PPM1D: variants seen among roughly 807,000 people sequenced by gnomAD.
PPM1D encodes the protein protein phosphatase 1D.
PPM1D carries 52 observed loss-of-function variants against 58.3 expected under a neutral mutation model. The ratio of observed to expected loss-of-function variants is 0.89; its 90% CI spans 0.71 to 1.12. The LOEUF is 1.12. PPM1D is among the 50% of genes most tolerant of loss of function. PPM1D has a pLI of 0.00. For missense variants in PPM1D, 564 were observed against 777.2 expected (o/e 0.73, Z 3.26); for synonymous variants, 278 against 285.1 (o/e 0.98, Z 0.25).
chr17:60,645,538 A>ATATATATGTATATATATATGTG (rs1567974667), intron 3 of PPM1D, among the ~76,000 whole-genome samples: 7 of 108,496 alleles, frequency 6.5e-5, no homozygotes, highest in Non-Finnish European at 9.5e-5. Context: ...ATATATGTGT[A>ATATATATGTATATATATATGTG]TATATATGTA....
At chr17:60,628,482 C>T (rs147586150) in intron 2 of PPM1D, among the ~76,000 whole-genome samples, 254 of 152,248 alleles carry the variant, frequency 1.7e-3, no homozygotes, top group African/African-American at 4.3e-3. Context: ...GTTTCATCAC[C>T]GTAAGAGTCC....
chr17:60,663,219 A>T lies in PPM1D; in HGVS notation c.1485A>T (p.Pro495=). 2 of 1,614,180 alleles carry T rather than the reference A, an allele frequency of 1.2e-6. No individual in the cohort carries two copies. Among genetic ancestry groups the T allele is most frequent in the Non-Finnish European group, 1.7e-6 (2 of 1,180,008 alleles). Residue 495 remains proline (P), a synonymous_variant, in exon 6 of 6, where the codon CCA becomes CCT. Coordinates refer to ENST00000305921, the MANE Select transcript of PPM1D (RefSeq NM_003620.4). ...ATGATTCTTTGAATAATAGCCTTCC[A>T]ATTGGCCTTGTGCCTACTAATTCAA... ...RIHDSLNNSL[P]IGLVPTNSTN...
At chr17:60,649,241 A>G (rs2031301652) in intron 4 of PPM1D, among the ~76,000 whole-genome samples, 1 of 152,062 alleles carries the variant, frequency 6.6e-6, no homozygotes, top group Non-Finnish European at 1.5e-5. Context: ...CATTTTCATC[A>G]TCATCCCCTA....
At chr17:60,612,869 A>G (rs1022739403) in intron 1 of PPM1D, among the ~76,000 whole-genome samples, 21 of 152,202 alleles carry the variant, frequency 1.4e-4, no homozygotes, top group Non-Finnish European at 2.5e-4. Flanking sequence ...ATGTAATAGG[A>G]ATAGATGGGA....
intron 5 of PPM1D, 144 bp downstream of exon 5, chr17:60,656,985 C>G: frequency 1.3e-6 from 2 of 1,564,200 alleles, no homozygotes; most frequent in Non-Finnish European, 1.7e-6. Flanking sequence ...TATCAGAGAG[C>G]CATCTTTACA....
intron 4 of PPM1D, among the ~76,000 whole-genome samples, chr17:60,654,275 CTTT>C (rs1358841557): frequency 7.2e-6 from 1 of 138,242 alleles, no homozygotes. Flanking sequence ...AAATAATATG[CTTT>C]TTTTTTTTGA....
In PPM1D at chr17:60,630,020, A is replaced by G. The variant is rs570644415; in HGVS notation, c.702-3833A>G. Among the ~76,000 whole-genome samples, 9 of 152,088 alleles carry G rather than the reference A, an allele frequency of 5.9e-5. No individual in the cohort carries two copies. In the South Asian group the frequency reaches 1.5e-3, roughly 25 times the overall value. On this transcript the variant is annotated intron_variant, in intron 2 of 5. Coordinates refer to ENST00000305921, the MANE Select transcript of PPM1D (RefSeq NM_003620.4). ...CTGCCTCTGCACTCCAGCCTGCCCA[A>G]CAAGAGTGAAAACTGTCTCAAAAAA...
chr17:60,623,047 T>A (rs1307017909), intron 1 of PPM1D, among the ~76,000 whole-genome samples: 1 of 152,180 alleles, frequency 6.6e-6, no homozygotes, highest in Non-Finnish European at 1.5e-5. Flanking sequence ...CACTCCAGCC[T>A]GGGTGACAGA....
intron 1 of PPM1D, among the ~76,000 whole-genome samples, chr17:60,603,178 T>G (rs1182215366): frequency 6.6e-6 from 1 of 152,212 alleles, no homozygotes; most frequent in Non-Finnish European, 1.5e-5. Context: ...GCACCCTTTT[T>G]TCTACTTTTG....
At chr17:60,610,397 C>T (rs576174232) in intron 1 of PPM1D, among the ~76,000 whole-genome samples, 82 of 152,252 alleles carry the variant, frequency 5.4e-4, no homozygotes, top group African/African-American at 1.6e-3. Context: ...TTCATTTTCA[C>T]TTATGGATAG....
chr17:60,617,665 A>G (rs2030612533), intron 1 of PPM1D, among the ~76,000 whole-genome samples: 1 of 152,210 alleles, frequency 6.6e-6, no homozygotes, highest in Non-Finnish European at 1.5e-5. Flanking sequence ...TCCATGAAAT[A>G]ACTTCTGCAA....
intron 3 of PPM1D, among the ~76,000 whole-genome samples, chr17:60,645,636 G>GTATA (rs1567974846): frequency 1.6e-3 from 203 of 129,322 alleles, no homozygotes; most frequent in African/African-American, 6.0e-3. Flanking sequence ...ATATGTATAT[G>GTATA]TGTGTGTGTG....
intron 4 of PPM1D, among the ~76,000 whole-genome samples, chr17:60,655,184 TTTG>T (rs1466535124): frequency 1.6e-4 from 24 of 152,348 alleles, no homozygotes; most frequent in African/African-American, 5.5e-4. Context: ...TTCTCTGGAT[TTTG>T]TTTATATTCT....
intron 1 of PPM1D, among the ~76,000 whole-genome samples, chr17:60,604,985 A>AT (rs1253653955): frequency 2.0e-5 from 3 of 150,386 alleles, no homozygotes; most frequent in Non-Finnish European, 2.9e-5. Context: ...TACCCAGCTA[A>AT]TTTTTGTATT....
chr17:60,645,456 A>ATGTGTGTGTGTG (rs371276467), intron 3 of PPM1D, among the ~76,000 whole-genome samples: 208 of 123,930 alleles, frequency 1.7e-3, no homozygotes, highest in African/African-American at 5.9e-3. Flanking sequence ...TAAAATATAT[A>ATGTGTGTGTGTG]TGTGTGTGTG....
chr17:60,619,762 G>T (rs7225169), intron 1 of PPM1D, among the ~76,000 whole-genome samples: 1 of 151,784 alleles, frequency 6.6e-6, no homozygotes. Context: ...TACCATGCCC[G>T]GCTAATTTTT....
At chr17:60,646,497 G>A (rs1447512950) in intron 3 of PPM1D, among the ~76,000 whole-genome samples, 1 of 152,094 alleles carries the variant, frequency 6.6e-6, no homozygotes, top group Non-Finnish European at 1.5e-5. Flanking sequence ...TTTAATTTAG[G>A]CCTTTCCCTT....
At chr17:60,608,103 T>C (rs983702123) in intron 1 of PPM1D, among the ~76,000 whole-genome samples, 6 of 152,256 alleles carry the variant, frequency 3.9e-5, no homozygotes, top group African/African-American at 1.4e-4. Flanking sequence ...TCATAAATTA[T>C]ACGTTCTGAA....
chr17:60,658,916 C>T (rs2031484570), intron 5 of PPM1D, among the ~76,000 whole-genome samples: 1 of 152,080 alleles, frequency 6.6e-6, no homozygotes, highest in South Asian at 2.1e-4. Context: ...GCTGAGATCG[C>T]GTTGCAGCAC....
Sources: allele counts gnomAD v4.1 joint callset (sites outside exome capture counted in the v4.1 genomes callset), GRCh38; gene constraint gnomAD v4.1.1; transcripts MANE v1.5; gene names NCBI Gene and HGNC (gene_info 2026-07-23, HGNC 2026-07-21).